Variants in NOTCH3 observed in about 807,000 individuals in gnomAD.
The protein encoded by NOTCH3 is neurogenic locus notch homolog protein 3.
A neutral mutation model predicts 213.3 loss-of-function variants in NOTCH3; 86 were observed. That is an observed-to-expected ratio of 0.40 (90% CI 0.34 to 0.48). The LOEUF (loss-of-function observed/expected upper bound fraction) is 0.48. Ranked by LOEUF, NOTCH3 falls within the 20% of genes least tolerant of loss-of-function variation. The pLI is 0.57. For missense variants in NOTCH3, 2,783 were observed against 3,272.6 expected, an observed-to-expected ratio of 0.85 and a Z score of 3.65; for synonymous variants, 1,354 against 1,355.9, an observed-to-expected ratio of 1.00 and a Z score of 0.03.
intron 24 of NOTCH3, among the ~76,000 whole-genome samples, chr19:15,177,112 G>A (rs1179797153): frequency 3.3e-5 from 5 of 150,084 alleles, no homozygotes; most frequent in South Asian, 2.1e-4. Context: ...GGCTGGGCAC[G>A]GTGGCTCACA....
intron 29 of NOTCH3, 42 bp downstream of exon 29, chr19:15,167,207 A>T: frequency 6.3e-7 from 1 of 1,597,156 alleles, no homozygotes; most frequent in Non-Finnish European, 8.6e-7. Flanking sequence ...CACAGGTAGG[A>T]TGGGTGAGGG....
rs753139374 is a variant in NOTCH3 at position 15,170,752 on chromosome 19, C to T, written c.4810G>A (p.Ala1604Thr). Residue 1604 changes from alanine to threonine, a missense_variant, in exon 26 of 33, where the codon GCC becomes ACC. By Grantham distance (58) the Ala-to-Thr change is moderately conservative (BLOSUM62 0). Around this residue, in one of 6 missense-constraint regions of NOTCH3, gnomAD observed 636 missense variants for 801.8 expected, o/e 0.79. Coordinates refer to ENST00000263388, the MANE Select transcript of NOTCH3 (RefSeq NM_000435.3). Reference protein sequence around the residue: ...SPENDHCFPDAQSAADYLGAL... With the variant: ...SPENDHCFPDTQSAADYLGAL... ...CCCAGGTAGTCAGCGGCGCTCTGGG[C>T]ATCGGGGAAGCAGTGATCATTCTCA... is the stretch of plus-strand genomic sequence containing the variant. 7.4e-6 allele frequency: 12 copies of T among 1,611,834 alleles called. No individual in the cohort carries two copies. The highest frequency in any genetic ancestry group is 1.3e-5 in the African/African-American group (1 of 74,918).
At chr19:15,193,966 C>T (rs1288657336) in intron 2 of NOTCH3, among the ~76,000 whole-genome samples, 1 of 151,632 alleles carries the variant, frequency 6.6e-6, no homozygotes, top group African/African-American at 2.4e-5. Flanking sequence ...CGTGTAGTCC[C>T]CGCTACTCAG....
rs1373746697 is a variant in NOTCH3 at position 15,165,240 on chromosome 19, G to A, written c.5815+128C>T. 2 of 995,872 alleles carry A rather than the reference G, an allele frequency of 2.0e-6. No homozygotes were observed. The highest frequency in any genetic ancestry group is 3.2e-6 in the Non-Finnish European group (2 of 634,356). 61.7% of individuals were successfully genotyped at this position (995,872 alleles called of 1,614,324 possible). A position where few individuals can be genotyped will look rare whatever the true frequency, so the allele number is the denominator to read the frequency against. On this transcript the variant is annotated intron_variant, in intron 31 of 32. Transcript: ENST00000263388. The surrounding 1 kb of genome is among the most constrained non-coding windows in gnomAD (Gnocchi z 4.7). ...CCCTGCATGACCCTGCAGGCTTCAT[G>A]AAGCCTGGTTATGTGTGCGTGAGCT...
chr19:15,197,441 G>GGGGCCGCCCCCCCCC, intron 2 of NOTCH3, 59 bp downstream of exon 2: 1 of 768,364 alleles, frequency 1.3e-6, no homozygotes, highest in Admixed American at 2.0e-5. Context: ...AAGACAAATC[G>GGGGCCGCCCCCCCCC]CCCCTCCCCC....
chr19:15,174,396 C>G lies in NOTCH3; in HGVS notation c.4408G>C (p.Val1470Leu), dbSNP rs978443205. The G allele has an allele frequency of 5.9e-6, 9 of 1,522,702 alleles. No individual in the cohort carries two copies. In the Middle Eastern group the frequency reaches 5.1e-4, roughly 86 times the overall value. 94.3% of individuals were successfully genotyped at this position (1,522,702 alleles called of 1,614,324 possible). A position where few individuals can be genotyped will look rare whatever the true frequency, so the allele number is the denominator to read the frequency against. The change falls in exon 25 of 33, where the codon GTG becomes CTG. Residue 1470 changes from valine to leucine, a missense_variant. Transcript: ENST00000263388. ...TGGTCGGCGCAGTACTTCTCGTACACCGGGCTGGTGGGGAAGGGTGAGGCA... is the reference window on the plus strand; with the variant it reads ...TGGTCGGCGCAGTACTTCTCGTACAGCGGGCTGGTGGGGAAGGGTGAGGCA... Reference protein sequence around the residue: ...AGGRERTCNPVYEKYCADHFA... With the variant: ...AGGRERTCNPLYEKYCADHFA...
At chr19:15,188,722 C>T (rs1268235700) in intron 8 of NOTCH3, among the ~76,000 whole-genome samples, 1 of 152,056 alleles carries the variant, frequency 6.6e-6, no homozygotes, top group Non-Finnish European at 1.5e-5. Context: ...CCCGACTCTG[C>T]CTCTCTATCC....
chr19:15,184,446 T>C lies in NOTCH3; in HGVS notation c.2415A>G (p.Pro805=), dbSNP rs758093109. 1 of 1,613,750 alleles carries C rather than the reference T, an allele frequency of 6.2e-7. No individual in the cohort carries two copies. Among genetic ancestry groups the C allele is most frequent in the South Asian group, 1.1e-5 (1 of 91,068 alleles). Residue 805 remains proline, a synonymous_variant, in exon 16 of 33, where the codon CCA becomes CCG. Coordinates refer to ENST00000263388, the MANE Select transcript of NOTCH3 (RefSeq NM_000435.3). ...VCSCPQGWQG[P]RCQQDVDECA... ...ACTCGTCCACATCCTGCTGGCATCG[T>C]GGGCCTGGGGGTAGGGAGCAAGGTT...
Position 15,167,418 on chromosome 19 carries a change from G to A in NOTCH3, c.5200-7C>T. The A allele has an allele frequency of 1.2e-6, 2 of 1,602,760 alleles. No homozygotes were observed. The highest frequency in any genetic ancestry group is 3.3e-5 in the Admixed American group (2 of 60,030). On this transcript the variant is annotated splice_polypyrimidine_tract_variant and splice_region_variant and intron_variant, in intron 28 of 32. Coordinates refer to ENST00000263388, the MANE Select transcript of NOTCH3 (RefSeq NM_000435.3). Reference sequence around the variant, plus strand: ...CCATGCCTGGCTCCTCTACCTGGAGGGGCAGGCACCCTGGATCTCAGATCT... The same window carrying A: ...CCATGCCTGGCTCCTCTACCTGGAGAGGCAGGCACCCTGGATCTCAGATCT...
At chr19:15,197,440 C>CGCG in intron 2 of NOTCH3, 60 bp downstream of exon 2, 8 of 800,690 alleles carry the variant, frequency 1.0e-5, no homozygotes, top group East Asian at 2.6e-5. Flanking sequence ...GAAGACAAAT[C>CGCG]GCCCCTCCCC....
chr19:15,174,872 C>A (rs930457178), intron 24 of NOTCH3, among the ~76,000 whole-genome samples: 3 of 152,092 alleles, frequency 2.0e-5, no homozygotes. Flanking sequence ...CCGCACGCAG[C>A]CCTTGATAAT....
Position 15,167,419 on chromosome 19 carries a change from G to C in NOTCH3, c.5200-8C>G. ...CATGCCTGGCTCCTCTACCTGGAGGGGCAGGCACCCTGGATCTCAGATCTC... is the reference window on the plus strand; with the variant it reads ...CATGCCTGGCTCCTCTACCTGGAGGCGCAGGCACCCTGGATCTCAGATCTC... On this transcript the variant is annotated splice_polypyrimidine_tract_variant and splice_region_variant and intron_variant, in intron 28 of 32. Coordinates refer to ENST00000263388, the MANE Select transcript of NOTCH3 (RefSeq NM_000435.3). The C allele has an allele frequency of 6.2e-7, 1 of 1,602,572 alleles. No individual in the cohort carries two copies. Among genetic ancestry groups the C allele is most frequent in the Non-Finnish European group, 8.5e-7 (1 of 1,179,928 alleles).
At chr19:15,200,707 C>A in intron 1 of NOTCH3, 81 bp downstream of exon 1, 1 of 1,090,824 alleles carries the variant, frequency 9.2e-7, no homozygotes, top group Non-Finnish European at 1.1e-6. Context: ...CTCCCATGAA[C>A]CCCCGCCAGC....
Position 15,161,540 on chromosome 19 carries a change from G to A in NOTCH3, c.6088C>T (p.Pro2030Ser), listed in dbSNP as rs1443723070. The A allele has an allele frequency of 1.2e-6, 2 of 1,605,218 alleles. No homozygotes were observed. Among genetic ancestry groups the A allele is most frequent in the Non-Finnish European group, 1.7e-6 (2 of 1,176,192 alleles). Residue 2030 changes from proline to serine, a missense_variant, in exon 33 of 33, where the codon CCC (proline) becomes TCC (serine). Physicochemically the swap from Pro to Ser is moderately conservative, Grantham distance 74. Around this residue, in one of 6 missense-constraint regions of NOTCH3, gnomAD observed 441 missense variants for 432.1 expected, o/e 1.02. Transcript: ENST00000263388. Reference protein sequence around the residue: ...IVRLLDQPSGPRSPPGPHGLG... With the variant: ...IVRLLDQPSGSRSPPGPHGLG... ...CCGTGGGGACCGGGGGGGCTGCGGG[G>A]CCCACTGGGTTGATCCAGCAAGCGC...
In NOTCH3 at chr19:15,170,650, CT is replaced by C; in HGVS notation, c.4891+20del. 1 of 1,553,720 alleles carries C rather than the reference CT, an allele frequency of 6.4e-7. No homozygotes were observed. The highest frequency in any genetic ancestry group is 8.7e-7 in the Non-Finnish European group (1 of 1,150,980). On this transcript the variant is annotated intron_variant, in intron 26 of 32. Coordinates refer to ENST00000263388, the MANE Select transcript of NOTCH3 (RefSeq NM_000435.3). ...CCCCCAGCTCCGCCCCCGCCACCCC[CT>C]CCCCAAGGCAGGGCCGCACCCCGCA...
rs2145417671 is a variant in NOTCH3, at chr19:15,179,117, C to T, written c.3626G>A (p.Cys1209Tyr). ...GLRCEADINECRSGACHAAHT... is the reference protein window; with the variant it reads ...GLRCEADINEYRSGACHAAHT... ...TGCCGCGTGGCAGGCACCTGAGCGA[C>T]ACTCATTGATGTCTGCCTCGCAGCG... The change falls in exon 22 of 33, where the codon TGT becomes TAT. Residue 1209 changes from cysteine to tyrosine, a missense_variant. Cys to Tyr is a radical substitution (Grantham distance 194). This residue lies in a region of NOTCH3 where 861 missense variants were observed against 909.1 expected (regional missense o/e 0.95). Coordinates refer to ENST00000263388, the MANE Select transcript of NOTCH3 (RefSeq NM_000435.3). 1 of 1,614,208 alleles carries T rather than the reference C, an allele frequency of 6.2e-7. No homozygotes were observed. Among genetic ancestry groups the T allele is most frequent in the Non-Finnish European group, 8.5e-7 (1 of 1,180,032 alleles).
At chr19:15,173,870 C>T (rs1408454307) in intron 25 of NOTCH3, among the ~76,000 whole-genome samples, 198 bp downstream of exon 25, 1 of 152,254 alleles carries the variant, frequency 6.6e-6, no homozygotes, top group East Asian at 1.9e-4. Flanking sequence ...TCCCCACAAG[C>T]CAGCACTAGA....
intron 29 of NOTCH3, among the ~76,000 whole-genome samples, chr19:15,166,824 A>C (rs371839799): frequency 9.2e-5 from 14 of 152,164 alleles, no homozygotes; most frequent in African/African-American, 3.4e-4. Context: ...CCCGACCCCC[A>C]CCAGCTCAAA....
chr19:15,179,403 C>G lies in NOTCH3; in HGVS notation c.3421G>C (p.Val1141Leu), dbSNP rs373181668. Residue 1141 changes from valine (V) to leucine (L), a missense_variant, in exon 21 of 33, where the codon GTG (valine) becomes CTG (leucine). This residue lies in a region of NOTCH3 where 861 missense variants were observed against 909.1 expected (regional missense o/e 0.95). Coordinates refer to ENST00000263388, the MANE Select transcript of NOTCH3 (RefSeq NM_000435.3). ...CQHGGSCIDL[V>L]ARYLCSCPPG... ...GGACAGGAGCAGAGATAGCGGGCCACGAGGTCAATGCATGAACCCCCGTGC... is the reference window on the plus strand; with the variant it reads ...GGACAGGAGCAGAGATAGCGGGCCAGGAGGTCAATGCATGAACCCCCGTGC... 2 of 1,614,134 alleles carry G rather than the reference C, an allele frequency of 1.2e-6. No individual in the cohort carries two copies. Among genetic ancestry groups the G allele is most frequent in the Non-Finnish European group, 1.7e-6 (2 of 1,180,040 alleles).
Sources: allele counts gnomAD v4.1 joint callset (sites outside exome capture counted in the v4.1 genomes callset), GRCh38; gene constraint gnomAD v4.1.1; regional missense constraint gnomAD v4.1.1; non-coding constraint Gnocchi (gnomAD v3.1); transcripts MANE v1.5; gene names NCBI Gene and HGNC (gene_info 2026-07-23, HGNC 2026-07-21).